STRN3: variants seen among roughly 807,000 people sequenced by gnomAD.
STRN3 encodes the protein striatin 3, also known as striatin-3.
Under a neutral mutation model 95.6 loss-of-function variants are expected in STRN3, and 29 were observed. That is an observed-to-expected ratio of 0.30 (90% CI 0.23 to 0.41). STRN3 has a LOEUF of 0.41. Among genes scored for constraint, STRN3 ranks in the 10% least tolerant of loss-of-function variants. The pLI is 1.00. For synonymous variants in STRN3, 331 were observed against 357.6 expected, an observed-to-expected ratio of 0.93 and a Z score of 0.84; for missense variants, 890 against 972.1, an observed-to-expected ratio of 0.92 and a Z score of 1.12.
rs1198312493 is a variant in STRN3, at chr14:30,894,531, T to C, written c.*880A>G. 1.3e-5 allele frequency: 2 copies of C among 152,818 alleles called. No homozygotes were observed. Among genetic ancestry groups the C allele is most frequent in the Admixed American group, 6.5e-5 (1 of 15,286 alleles). The allele number at this position is 152,818 out of a possible 1,614,324, so 9.5% of individuals were successfully genotyped here. ...TACAAAATATCACATAGTGATAGGA[T>C]GCCAAGATTAGTTTTTTTCTTTAAG... On this transcript the variant is annotated 3_prime_UTR_variant, in exon 18 of 18. Coordinates refer to ENST00000357479, the MANE Select transcript of STRN3 (RefSeq NM_001083893.2).
chr14:30,990,327 G>A (rs959405598), intron 1 of STRN3, among the ~76,000 whole-genome samples: 8 of 151,472 alleles, frequency 5.3e-5, no homozygotes, highest in African/African-American at 1.2e-4. Context: ...CAGCACACCC[G>A]GCTAATTTTT....
chr14:30,960,206 T>C (rs1391628092), intron 1 of STRN3, among the ~76,000 whole-genome samples: 1 of 151,946 alleles, frequency 6.6e-6, no homozygotes, highest in African/African-American at 2.4e-5. Context: ...ATACAAAAAT[T>C]AGACAGGTGT....
chr14:30,922,225 AC>A (rs1896903368), intron 8 of STRN3, among the ~76,000 whole-genome samples: 1 of 152,148 alleles, frequency 6.6e-6, no homozygotes, highest in Non-Finnish European at 1.5e-5. Context: ...AGATGGTCTC[AC>A]CATGCTGCCT....
At chr14:30,955,996 G>A (rs1879883982) in intron 2 of STRN3, 143 bp downstream of exon 2, 5 of 639,606 alleles carry the variant, frequency 7.8e-6, no homozygotes, top group Middle Eastern at 4.2e-4. Flanking sequence ...TCTTTCCCAA[G>A]TATGAATCAA....
intron 7 of STRN3, among the ~76,000 whole-genome samples, chr14:30,933,280 T>TTTA (rs1555317709): frequency 4.4e-5 from 1 of 22,776 alleles, no homozygotes; most frequent in Non-Finnish European, 8.2e-5. Flanking sequence ...CCCTGTTTCA[T>TTTA]AAAAAAAAAA....
rs529265437 is a variant in STRN3, at chr14:30,895,274, ACCAATTTGTGCCTGCCCCAGATAG to A, written c.*113_*136del. On this transcript the variant is annotated 3_prime_UTR_variant, in exon 18 of 18. Coordinates refer to ENST00000357479, the MANE Select transcript of STRN3 (RefSeq NM_001083893.2). ...AGCTTGACATTAAGATGTGATTTCC[ACCAATTTGTGCCTGCCCCAGATAG>A]CCTTCACCAGGCAGATCACATGTAG... The A allele has an allele frequency of 0.022, 19,174 of 878,586 alleles. 190 individuals are homozygous for A. Among genetic ancestry groups the A allele is most frequent in the Middle Eastern group, 0.056 (243 of 4,314 alleles). 54.4% of individuals were successfully genotyped at this position (878,586 alleles called of 1,614,324 possible).
At chr14:30,895,978 A>AT (rs1566421970) in intron 16 of STRN3, among the ~76,000 whole-genome samples, 1 of 152,144 alleles carries the variant, frequency 6.6e-6, no homozygotes, top group East Asian at 1.9e-4. Context: ...AGTTCCGAAC[A>AT]TTTTCATCAC....
chr14:30,936,708 C>T, intron 5 of STRN3, 84 bp from the exon 6 acceptor site: 1 of 1,492,936 alleles, frequency 6.7e-7, no homozygotes, highest in Non-Finnish European at 8.9e-7. Flanking sequence ...TAAATCAATT[C>T]TTAAAACTAG....
At chr14:30,903,515 C>T (rs1896381134) in intron 15 of STRN3, among the ~76,000 whole-genome samples, 1 of 152,176 alleles carries the variant, frequency 6.6e-6, no homozygotes, top group Admixed American at 6.5e-5. Flanking sequence ...GCTTCTCCTG[C>T]TTCAGTCTCC....
intron 1 of STRN3, among the ~76,000 whole-genome samples, chr14:30,960,502 A>C (rs1001184162): frequency 2.6e-5 from 4 of 152,138 alleles, no homozygotes; most frequent in African/African-American, 9.6e-5. Flanking sequence ...GAAAGATGGC[A>C]GTGCAGAACA....
chr14:30,910,924 G>T, intron 13 of STRN3, 117 bp downstream of exon 13: 1 of 1,129,394 alleles, frequency 8.9e-7, no homozygotes, highest in Non-Finnish European at 1.2e-6. Context: ...TTAGCAAATG[G>T]AAGAACTAAA....
chr14:30,979,421 G>A (rs1311337888), intron 1 of STRN3, among the ~76,000 whole-genome samples: 2 of 152,006 alleles, frequency 1.3e-5, no homozygotes, highest in South Asian at 4.1e-4. Flanking sequence ...AACAAATTTT[G>A]TTTTTAATTA....
At chr14:30,986,691 T>C (rs1487137626) in intron 1 of STRN3, among the ~76,000 whole-genome samples, 3 of 152,222 alleles carry the variant, frequency 2.0e-5, no homozygotes, top group African/African-American at 4.8e-5. Flanking sequence ...CTAATACTTA[T>C]TGAATAAGTT....
intron 1 of STRN3, chr14:31,014,813 T>TAAAAAA: frequency 2.7e-6 from 1 of 368,596 alleles, no homozygotes; most frequent in African/African-American, 2.5e-5. Context: ...AAAACCACTT[T>TAAAAAA]AAAAAAAAAA....
At position 30,895,313 on chromosome 14, in the gene STRN3, A is replaced by T; in HGVS notation, c.*98T>A. 1 of 1,280,052 alleles carries T rather than the reference A, an allele frequency of 7.8e-7. No individual in the cohort carries two copies. The highest frequency in any genetic ancestry group is 1.0e-6 in the Non-Finnish European group (1 of 954,382). 79.3% of individuals were successfully genotyped at this position (1,280,052 alleles called of 1,614,324 possible). A position where few individuals can be genotyped will look rare whatever the true frequency, so the allele number is the denominator to read the frequency against. ...GCCCCAGATAGCCTTCACCAGGCAG[A>T]TCACATGTAGTGTCATATCAGTAAC... On this transcript the variant is annotated 3_prime_UTR_variant, in exon 18 of 18. Coordinates refer to ENST00000357479, the MANE Select transcript of STRN3 (RefSeq NM_001083893.2).
At chr14:30,918,381 C>A (rs755919662) in intron 9 of STRN3, among the ~76,000 whole-genome samples, 19 of 151,856 alleles carry the variant, frequency 1.3e-4, no homozygotes, top group Non-Finnish European at 1.9e-4. Context: ...TGGTGGTGTG[C>A]GCCTATAGTC....
chr14:30,913,058 A>G (rs1367926365), intron 10 of STRN3, among the ~76,000 whole-genome samples: 1 of 152,082 alleles, frequency 6.6e-6, no homozygotes, highest in Non-Finnish European at 1.5e-5. Context: ...CCACTCCCCA[A>G]TCCTCTAATG....
chr14:30,957,077 G>A (rs1879946543), intron 1 of STRN3, among the ~76,000 whole-genome samples: 1 of 152,210 alleles, frequency 6.6e-6, no homozygotes, highest in South Asian at 2.1e-4. Flanking sequence ...AGAATCGCTT[G>A]AACCTGGGAG....
intron 1 of STRN3, among the ~76,000 whole-genome samples, chr14:30,985,194 A>G (rs1594541081): frequency 6.6e-6 from 1 of 150,652 alleles, no homozygotes; most frequent in Non-Finnish European, 1.5e-5. Context: ...TGTAATCCCA[A>G]CTACTCGGGA....
Sources: allele counts gnomAD v4.1 joint callset (sites outside exome capture counted in the v4.1 genomes callset), GRCh38; gene constraint gnomAD v4.1.1; transcripts MANE v1.5; gene names NCBI Gene and HGNC (gene_info 2026-07-23, HGNC 2026-07-21).